DLC1: variants seen among roughly 807,000 people sequenced by gnomAD.
DLC1 encodes DLC1 Rho GTPase activating protein.
In DLC1, 54 loss-of-function variants were observed where a neutral mutation model predicts 140.3. The ratio of observed to expected loss-of-function variants is 0.38; its 90% CI spans 0.31 to 0.48. The LOEUF is 0.48. DLC1 is among the 20% of genes least tolerant of loss of function. The pLI, the probability that DLC1 is intolerant of heterozygous loss-of-function variation, is 0.96. For synonymous variants in DLC1, 986 were observed against 728.1 expected (o/e 1.35, Z -5.70); for missense variants, 2,536 against 1,907.0 (o/e 1.33, Z -6.14).
At chr8:13,168,037 G>A (rs973290790) in intron 5 of DLC1, among the ~76,000 whole-genome samples, 1 of 151,874 alleles carries the variant, frequency 6.6e-6, no homozygotes, top group African/African-American at 2.4e-5. Context: ...TTAAGCTTTT[G>A]CATATAAAGA....
chr8:13,407,914 T>G (rs1405333913), intron 2 of DLC1, among the ~76,000 whole-genome samples: 3 of 152,230 alleles, frequency 2.0e-5, no homozygotes, highest in Admixed American at 2.0e-4. Context: ...ATGTTTCATT[T>G]GACAATAAAT....
intron 5 of DLC1, among the ~76,000 whole-genome samples, chr8:13,238,268 T>G (rs938084245): frequency 1.3e-5 from 2 of 152,184 alleles, no homozygotes; most frequent in Non-Finnish European, 2.9e-5. Context: ...GCCTATTAGC[T>G]CTACAAACTA....
At chr8:13,575,542 A>C (rs1335317067) in intron 1 of DLC1, among the ~76,000 whole-genome samples, 1 of 152,180 alleles carries the variant, frequency 6.6e-6, no homozygotes, top group Non-Finnish European at 1.5e-5. Context: ...CAGCTAGCAC[A>C]GATATGGGGC....
intron 2 of DLC1, among the ~76,000 whole-genome samples, chr8:13,469,596 G>GT (rs1193523312): frequency 6.6e-6 from 1 of 152,076 alleles, no homozygotes; most frequent in Non-Finnish European, 1.5e-5. Context: ...TATTCACAAA[G>GT]GTAAATGATA....
At chr8:13,164,212 G>T (rs1189986096) in intron 5 of DLC1, among the ~76,000 whole-genome samples, 1 of 151,924 alleles carries the variant, frequency 6.6e-6, no homozygotes, top group African/African-American at 2.4e-5. Flanking sequence ...CAGGATAATC[G>T]TTTAAACCTG....
chr8:13,111,654 G>C (rs1464224985), intron 6 of DLC1, among the ~76,000 whole-genome samples: 2 of 152,164 alleles, frequency 1.3e-5, no homozygotes, highest in African/African-American at 4.8e-5. Flanking sequence ...ATTTACAACA[G>C]CTCTGAAATT....
chr8:13,395,940 T>G (rs571294136), intron 3 of DLC1, among the ~76,000 whole-genome samples: 15 of 152,224 alleles, frequency 9.9e-5, no homozygotes, highest in Non-Finnish European at 1.5e-5. Flanking sequence ...CATCAAGTAG[T>G]CTTAAATAGC....
At chr8:13,198,614 A>G (rs768394482) in intron 5 of DLC1, among the ~76,000 whole-genome samples, 2 of 152,182 alleles carry the variant, frequency 1.3e-5, no homozygotes, top group East Asian at 1.9e-4. Context: ...TCATTCTTCA[A>G]AATGGAAAAT....
At chr8:13,380,260 C>A (rs554509575) in intron 4 of DLC1, among the ~76,000 whole-genome samples, 2 of 152,154 alleles carry the variant, frequency 1.3e-5, no homozygotes, top group Admixed American at 1.3e-4. Context: ...TTATTCTCCC[C>A]GGAAAACTAC....
At chr8:13,104,940 C>T (rs1819432663) in intron 7 of DLC1, among the ~76,000 whole-genome samples, 1 of 152,096 alleles carries the variant, frequency 6.6e-6, no homozygotes, top group Admixed American at 6.6e-5. Context: ...TGACTTACAC[C>T]CACAGTGTTT....
chr8:13,496,880 A>C (rs1004571163), intron 2 of DLC1, among the ~76,000 whole-genome samples: 2 of 137,474 alleles, frequency 1.5e-5, no homozygotes, highest in African/African-American at 5.5e-5. Context: ...GGCTCACTGC[A>C]AGCTCCGCCT....
chr8:13,544,287 GA>G (rs1435830087), intron 1 of DLC1, among the ~76,000 whole-genome samples: 1 of 151,842 alleles, frequency 6.6e-6, no homozygotes, highest in African/African-American at 2.4e-5. Flanking sequence ...TTGCAACCCA[GA>G]GACCAGAAGG....
chr8:13,335,896 C>T (rs1430177596), intron 4 of DLC1, among the ~76,000 whole-genome samples: 1 of 50,254 alleles, frequency 2.0e-5, no homozygotes, highest in African/African-American at 5.1e-5. Flanking sequence ...TTGTTAATTT[C>T]AAAATATGAT....
intron 5 of DLC1, among the ~76,000 whole-genome samples, chr8:13,143,060 GCA>G (rs1823129030): frequency 6.8e-6 from 1 of 146,626 alleles, no homozygotes; most frequent in Non-Finnish European, 1.5e-5. Flanking sequence ...AAAAAAAAAG[GCA>G]GAATTAGAGG....
chr8:13,086,663 A>C (rs1033809818), intron 16 of DLC1, among the ~76,000 whole-genome samples, 200 bp from the exon 17 acceptor site: 1 of 152,186 alleles, frequency 6.6e-6, no homozygotes, highest in Admixed American at 6.5e-5. Flanking sequence ...ATGTGATGGA[A>C]AGTGAATGCC....
intron 5 of DLC1, among the ~76,000 whole-genome samples, chr8:13,204,096 A>G (rs145428430): frequency 9.4e-4 from 143 of 152,276 alleles, no homozygotes; most frequent in African/African-American, 3.0e-3. Context: ...TTGGAAGGAC[A>G]AAAATGCTCA....
At chr8:13,560,065 T>G (rs1487857519) in intron 1 of DLC1, among the ~76,000 whole-genome samples, 4 of 152,312 alleles carry the variant, frequency 2.6e-5, no homozygotes, top group Non-Finnish European at 5.9e-5. Flanking sequence ...GCAAAAGAGA[T>G]GGTACAATTC....
chr8:13,492,852 A>T (rs2117172116), intron 2 of DLC1, among the ~76,000 whole-genome samples: 1 of 152,334 alleles, frequency 6.6e-6, no homozygotes, highest in African/African-American at 2.4e-5. Flanking sequence ...TTGAGCCCCA[A>T]ATATCTGCAA....
intron 5 of DLC1, among the ~76,000 whole-genome samples, chr8:13,212,745 C>G (rs1828006853): frequency 6.6e-6 from 1 of 152,016 alleles, no homozygotes; most frequent in South Asian, 2.1e-4. Context: ...TTCAAACATG[C>G]CTTTAATCCT....
Sources: allele counts gnomAD v4.1 joint callset (sites outside exome capture counted in the v4.1 genomes callset), GRCh38; gene constraint gnomAD v4.1.1; transcripts MANE v1.5; gene names NCBI Gene and HGNC (gene_info 2026-07-23, HGNC 2026-07-21).